The following AGTPBP1 variants were observed in gnomAD, a reference collection of about 807,000 sequenced individuals.
AGTPBP1 encodes the protein cytosolic carboxypeptidase 1.
In AGTPBP1, 70 loss-of-function variants were observed where a neutral mutation model predicts 143.9. That is an observed-to-expected ratio of 0.49 (90% CI 0.40 to 0.59). The LOEUF (loss-of-function observed/expected upper bound fraction) is 0.59, where lower values mean the gene tolerates loss of function less well. AGTPBP1 is among the 20% of genes least tolerant of loss of function. The probability of loss-of-function intolerance (pLI) is 0.00; values close to 1 mark genes in which losing one functional copy is unlikely to be tolerated. For synonymous variants in AGTPBP1, 463 were observed against 500.2 expected, an observed-to-expected ratio of 0.93 and a Z score of 0.99; for missense variants, 1,229 against 1,464.5, an observed-to-expected ratio of 0.84 and a Z score of 2.62.
At chr9:85,749,938 G>A in the AGTPBP1 span, among the ~76,000 whole-genome samples, 1 of 150,458 alleles carries the variant, frequency 6.6e-6, no homozygotes, top group Non-Finnish European at 1.5e-5. Context: ...CTGGAGTGCA[G>A]TGGCGTGATC....
At chr9:85,673,973 A>T (rs1382972765) in intron 6 of AGTPBP1, among the ~76,000 whole-genome samples, 1 of 151,770 alleles carries the variant, frequency 6.6e-6, no homozygotes, top group African/African-American at 2.4e-5. Flanking sequence ...ACAAAAAAAA[A>T]TTAGCCAGGC....
the AGTPBP1 span, chr9:85,773,845 A>G: frequency 6.3e-7 from 1 of 1,598,146 alleles, no homozygotes; most frequent in Non-Finnish European, 8.6e-7. Flanking sequence ...TAGGTGGTGA[A>G]TTTGCGAGAA....
intron 17 of AGTPBP1, among the ~76,000 whole-genome samples, chr9:85,609,700 A>G (rs1371472822): frequency 6.6e-6 from 1 of 152,194 alleles, no homozygotes; most frequent in Non-Finnish European, 1.5e-5. Flanking sequence ...AAGCAAGGGC[A>G]CCCATAAGGA....
chr9:85,548,293 G>C (rs1245317200), intron 25 of AGTPBP1, among the ~76,000 whole-genome samples: 1 of 152,226 alleles, frequency 6.6e-6, no homozygotes, highest in Non-Finnish European at 1.5e-5. Context: ...ATATCTGGAA[G>C]TTAAGGTGGG....
At chr9:85,641,633 G>T (rs1280117791) in intron 13 of AGTPBP1, among the ~76,000 whole-genome samples, 1 of 152,040 alleles carries the variant, frequency 6.6e-6, no homozygotes, top group Non-Finnish European at 1.5e-5. Flanking sequence ...GGCATCTAAG[G>T]CTCCTAAGTT....
At chr9:85,568,820 A>C (rs1344057198) in intron 25 of AGTPBP1, among the ~76,000 whole-genome samples, 1 of 152,180 alleles carries the variant, frequency 6.6e-6, no homozygotes, top group Non-Finnish European at 1.5e-5. Context: ...CAAGAATAAG[A>C]CATGAGCATC....
intron 19 of AGTPBP1, among the ~76,000 whole-genome samples, chr9:85,592,080 AT>A (rs1046918100): frequency 1.3e-5 from 2 of 152,090 alleles, no homozygotes; most frequent in African/African-American, 4.8e-5. Flanking sequence ...AAAGATCTCA[AT>A]TTTTCCTTCA....
At chr9:85,682,667 T>C (rs537199338) in intron 3 of AGTPBP1, among the ~76,000 whole-genome samples, 15 of 152,314 alleles carry the variant, frequency 9.8e-5, no homozygotes, top group African/African-American at 2.6e-4. Context: ...AAAGGACTGA[T>C]ACCAAATTCA....
intron 17 of AGTPBP1, among the ~76,000 whole-genome samples, chr9:85,599,012 G>A (rs914541534): frequency 3.3e-5 from 5 of 152,172 alleles, no homozygotes; most frequent in African/African-American, 1.2e-4. Flanking sequence ...GTGAGCCACC[G>A]TACCCGGCCG....
the AGTPBP1 span, among the ~76,000 whole-genome samples, chr9:85,778,394 C>G: frequency 1.3e-5 from 2 of 152,172 alleles, no homozygotes; most frequent in African/African-American, 4.8e-5. Context: ...ATCCTAGAGG[C>G]CTCCACTGTG....
At chr9:85,679,574 AT>A (rs1286766271) in intron 4 of AGTPBP1, among the ~76,000 whole-genome samples, 3 of 151,670 alleles carry the variant, frequency 2.0e-5, no homozygotes, top group Non-Finnish European at 1.5e-5. Context: ...CATCCAACTA[AT>A]TTTTTTGTAT....
At position 85,678,291 on chromosome 9, in the gene AGTPBP1, C is replaced by A; in HGVS notation, c.289+44G>T. 3 of 1,339,306 alleles carry A rather than the reference C, an allele frequency of 2.2e-6. No individual in the cohort carries two copies. The South Asian group carries it at 3.8e-5, about 17-fold the overall frequency. 83.0% of individuals were successfully genotyped at this position (1,339,306 alleles called of 1,614,324 possible). A position where few individuals can be genotyped will look rare whatever the true frequency, so the allele number is the denominator to read the frequency against. ...AAAGTGAATACGATACATTGTTGAT[C>A]ACTGTTTAGAAACAGAAATTAGACC... On this transcript the variant is annotated intron_variant, in intron 5 of 25. Transcript: ENST00000357081.
intron 17 of AGTPBP1, among the ~76,000 whole-genome samples, chr9:85,601,278 C>T (rs1194229858): frequency 6.6e-6 from 1 of 152,182 alleles, no homozygotes; most frequent in African/African-American, 2.4e-5. Flanking sequence ...CACTCAAACA[C>T]TCTAAGGGGA....
intron 2 of AGTPBP1, among the ~76,000 whole-genome samples, chr9:85,710,701 A>AC (rs201229307): frequency 3.2e-4 from 49 of 151,412 alleles, no homozygotes; most frequent in South Asian, 2.5e-3. Context: ...AACAACAACA[A>AC]AAAAAACAAA....
intron 14 of AGTPBP1, among the ~76,000 whole-genome samples, chr9:85,627,346 A>G (rs1365459361): frequency 6.6e-6 from 1 of 152,180 alleles, no homozygotes; most frequent in Non-Finnish European, 1.5e-5. Context: ...GTCTCACCAC[A>G]TATATGGTCT....
At chr9:85,723,237 C>T (rs1468122672) in intron 1 of AGTPBP1, among the ~76,000 whole-genome samples, 1 of 152,244 alleles carries the variant, frequency 6.6e-6, no homozygotes, top group African/African-American at 2.4e-5. Flanking sequence ...ATTAGGTCTG[C>T]TGAAGCTGTC....
chr9:85,566,141 T>C (rs559941229), intron 25 of AGTPBP1, among the ~76,000 whole-genome samples: 10 of 152,190 alleles, frequency 6.6e-5, no homozygotes, highest in Non-Finnish European at 1.0e-4. Flanking sequence ...ACAGATATAG[T>C]CTCTGCACTA....
At chr9:85,703,570 T>C (rs1564163308) in intron 2 of AGTPBP1, among the ~76,000 whole-genome samples, 1 of 152,230 alleles carries the variant, frequency 6.6e-6, no homozygotes. Flanking sequence ...ATTTATGGCT[T>C]GCACTTCTGC....
intron 2 of AGTPBP1, among the ~76,000 whole-genome samples, chr9:85,703,174 C>G (rs1836779652): frequency 6.6e-6 from 1 of 152,052 alleles, no homozygotes; most frequent in Non-Finnish European, 1.5e-5. Context: ...CCTAATCTTG[C>G]CAATAACTGA....
Sources: allele counts gnomAD v4.1 joint callset (sites outside exome capture counted in the v4.1 genomes callset), GRCh38; gene constraint gnomAD v4.1.1; transcripts MANE v1.5; gene names NCBI Gene and HGNC (gene_info 2026-07-23, HGNC 2026-07-21).